The following EYA4 variants were observed in gnomAD, a reference collection of about 807,000 sequenced individuals.
EYA4 encodes the protein EYA transcriptional coactivator and phosphatase 4.
A neutral mutation model predicts 87.9 loss-of-function variants in EYA4; 31 were observed. The observed-to-expected ratio is 0.35, with a 90% CI of 0.27 to 0.48. The LOEUF (loss-of-function observed/expected upper bound fraction) is 0.48, where lower values mean the gene tolerates loss of function less well. EYA4 is among the 20% of genes least tolerant of loss of function. EYA4 has a pLI of 0.99. For missense variants in EYA4, 678 were observed against 761.4 expected (o/e 0.89, Z 1.29); for synonymous variants, 263 against 270.6 (o/e 0.97, Z 0.28).
At chr6:133,526,380 C>A (rs1376589865) in intron 19 of EYA4, among the ~76,000 whole-genome samples, 1 of 151,918 alleles carries the variant, frequency 6.6e-6, no homozygotes, top group Admixed American at 6.6e-5. Flanking sequence ...GGAATGTTTA[C>A]CTGTTTTCAA....
intron 3 of EYA4, among the ~76,000 whole-genome samples, chr6:133,388,154 C>T (rs1786918201): frequency 6.6e-6 from 1 of 152,036 alleles, no homozygotes; most frequent in East Asian, 1.9e-4. Flanking sequence ...ACCCTATAAA[C>T]CCAGCACTTT....
At chr6:133,277,021 T>A (rs983623119) in intron 2 of EYA4, among the ~76,000 whole-genome samples, 3 of 152,134 alleles carry the variant, frequency 2.0e-5, no homozygotes, top group Admixed American at 1.3e-4. Flanking sequence ...TCTCAAAATA[T>A]TTTGAAAAAT....
intron 2 of EYA4, among the ~76,000 whole-genome samples, chr6:133,310,882 C>CT (rs1780161103): frequency 6.6e-6 from 1 of 152,156 alleles, no homozygotes; most frequent in Admixed American, 6.6e-5. Context: ...ATGTTTTGAA[C>CT]TTTCCTTTGT....
chr6:133,365,420 A>AT (rs1170547914), intron 2 of EYA4, among the ~76,000 whole-genome samples: 1 of 152,172 alleles, frequency 6.6e-6, no homozygotes, highest in East Asian at 1.9e-4. Context: ...GGGGATTTTA[A>AT]TTTATGGAGG....
chr6:133,455,327 T>C (rs986756208), intron 5 of EYA4, among the ~76,000 whole-genome samples: 2 of 152,138 alleles, frequency 1.3e-5, no homozygotes, highest in Non-Finnish European at 2.9e-5. Context: ...TTGAGTTTGC[T>C]TTTTTGCTAA....
chr6:133,313,073 CT>C (rs1462383955), intron 2 of EYA4, among the ~76,000 whole-genome samples: 2 of 152,010 alleles, frequency 1.3e-5, no homozygotes, highest in African/African-American at 4.8e-5. Context: ...TATTTAAAAC[CT>C]CTCCCCAAAC....
chr6:133,515,628 T>TGTGA (rs1799531700), intron 17 of EYA4, among the ~76,000 whole-genome samples, 193 bp downstream of exon 17: 1 of 85,130 alleles, frequency 1.2e-5, no homozygotes, highest in African/African-American at 9.8e-5. Flanking sequence ...TGTGAGTGTG[T>TGTGA]GTGTGTGTGT....
intron 2 of EYA4, among the ~76,000 whole-genome samples, chr6:133,323,096 T>TTG (rs1464239508): frequency 4.7e-5 from 5 of 105,536 alleles, no homozygotes; most frequent in Non-Finnish European, 1.1e-4. Flanking sequence ...GTGTGTGTGT[T>TTG]TGTGTGTGTG....
rs560912899 is a variant in EYA4 at position 133,380,339 on chromosome 6, G to A, written c.34-2053G>A. Reference sequence around the variant, plus strand: ...TACTAAATAGCAAAACCCTGTAGATGTGTTCTCTGCCTTTACTGTTACTAC... The same window carrying A: ...TACTAAATAGCAAAACCCTGTAGATATGTTCTCTGCCTTTACTGTTACTAC... On this transcript the variant is annotated intron_variant, in intron 2 of 19. Coordinates refer to ENST00000355286, the MANE Select transcript of EYA4 (RefSeq NM_004100.5). Among the ~76,000 whole-genome samples the A allele has an allele frequency of 4.6e-5, 7 of 152,278 alleles. No individual in the cohort carries two copies. The South Asian group carries it at 1.4e-3, about 32-fold the overall frequency.
At chr6:133,506,287 G>A in intron 14 of EYA4, 92 bp downstream of exon 14, 1 of 739,300 alleles carries the variant, frequency 1.4e-6, no homozygotes, top group South Asian at 1.6e-5. Context: ...AAAACAGAAA[G>A]ATAAAAATTC....
At chr6:133,383,207 A>G (rs1786385543) in intron 3 of EYA4, among the ~76,000 whole-genome samples, 1 of 152,224 alleles carries the variant, frequency 6.6e-6, no homozygotes, top group Non-Finnish European at 1.5e-5. Flanking sequence ...TTGCTCCCGC[A>G]TATAGTGCAT....
intron 1 of EYA4, chr6:133,247,872 C>T (rs1327283153): frequency 1.3e-5 from 2 of 152,052 alleles, no homozygotes; most frequent in Non-Finnish European, 2.9e-5. Flanking sequence ...CAAAAAAATT[C>T]AAGTCTTCTG....
At chr6:133,479,711 T>TAA (rs1293165505) in intron 11 of EYA4, among the ~76,000 whole-genome samples, 1 of 152,202 alleles carries the variant, frequency 6.6e-6, no homozygotes, top group Non-Finnish European at 1.5e-5. Context: ...TAAATCAAAT[T>TAA]AAATATAAAT....
At chr6:133,409,139 G>C (rs1312561090) in intron 3 of EYA4, among the ~76,000 whole-genome samples, 1 of 152,120 alleles carries the variant, frequency 6.6e-6, no homozygotes, top group African/African-American at 2.4e-5. Context: ...TTAGAAACCT[G>C]TATTATTCCC....
At position 133,483,019 on chromosome 6, in the gene EYA4, T is replaced by G. The variant is rs1382783634; in HGVS notation, c.1108-13T>G. ...GACTTTTTAATTTTCTGATATTTAT[T>G]TTTTGTCTTCAGCGTGTGTTTGTCT... On this transcript the variant is annotated splice_polypyrimidine_tract_variant and intron_variant, in intron 12 of 19. Coordinates refer to ENST00000355286, the MANE Select transcript of EYA4 (RefSeq NM_004100.5). 5 of 1,608,632 alleles carry G rather than the reference T, an allele frequency of 3.1e-6. No individual in the cohort carries two copies. Among genetic ancestry groups the G allele is most frequent in the Non-Finnish European group, 4.3e-6 (5 of 1,175,586 alleles).
At chr6:133,479,327 A>G (rs1796009232) in intron 11 of EYA4, among the ~76,000 whole-genome samples, 1 of 152,188 alleles carries the variant, frequency 6.6e-6, no homozygotes, top group South Asian at 2.1e-4. Flanking sequence ...TTACTCTGCT[A>G]TCTACTCTCA....
At chr6:133,396,396 G>C (rs934543929) in intron 3 of EYA4, among the ~76,000 whole-genome samples, 1 of 152,160 alleles carries the variant, frequency 6.6e-6, no homozygotes, top group Admixed American at 6.5e-5. Context: ...GATCATGCTA[G>C]AGCCTGGGAA....
At chr6:133,414,170 G>T (rs1789500053) in intron 3 of EYA4, among the ~76,000 whole-genome samples, 1 of 152,064 alleles carries the variant, frequency 6.6e-6, no homozygotes, top group African/African-American at 2.4e-5. Context: ...GGTGCCTGCT[G>T]ACATTTCCAC....
chr6:133,422,038 C>T (rs963945269), intron 3 of EYA4, among the ~76,000 whole-genome samples: 1 of 152,100 alleles, frequency 6.6e-6, no homozygotes, highest in African/African-American at 2.4e-5. Flanking sequence ...AAAGGGAATA[C>T]AATTATTAAT....
Sources: allele counts gnomAD v4.1 joint callset (sites outside exome capture counted in the v4.1 genomes callset), GRCh38; gene constraint gnomAD v4.1.1; transcripts MANE v1.5; gene names NCBI Gene and HGNC (gene_info 2026-07-23, HGNC 2026-07-21).